Variants in ADCY2 observed in about 807,000 individuals in gnomAD.
The protein encoded by ADCY2 is adenylate cyclase 2.
A neutral mutation model predicts 125.2 loss-of-function variants in ADCY2; 31 were observed. That is an observed-to-expected ratio of 0.25 (90% CI 0.19 to 0.33). The LOEUF (loss-of-function observed/expected upper bound fraction) is 0.33, where lower values mean the gene tolerates loss of function less well. Among genes scored for constraint, ADCY2 ranks in the 10% least tolerant of loss-of-function variants. The pLI, the probability that ADCY2 is intolerant of heterozygous loss-of-function variation, is 1.00. For missense variants in ADCY2, 904 were observed against 1,418.2 expected, an observed-to-expected ratio of 0.64 and a Z score of 5.82; for synonymous variants, 512 against 548.4, an observed-to-expected ratio of 0.93 and a Z score of 0.93.
chr5:7,579,482 T>C (rs1579593964), intron 3 of ADCY2, among the ~76,000 whole-genome samples: 2 of 151,924 alleles, frequency 1.3e-5, no homozygotes, highest in South Asian at 4.2e-4. Context: ...ACTCTACACC[T>C]GAGACTGGCT....
At chr5:7,779,232 C>T (rs1743836537) in intron 18 of ADCY2, among the ~76,000 whole-genome samples, 1 of 152,196 alleles carries the variant, frequency 6.6e-6, no homozygotes, top group South Asian at 2.1e-4. Context: ...CGTTAGTGAA[C>T]TACTTCTCTA....
intron 2 of ADCY2, among the ~76,000 whole-genome samples, chr5:7,459,519 A>T (rs915227873): frequency 2.5e-4 from 38 of 152,184 alleles, no homozygotes; most frequent in African/African-American, 8.9e-4. Context: ...GCCTCCAAGC[A>T]GTGGGTCTTG....
At chr5:7,567,700 G>A (rs1341585334) in intron 3 of ADCY2, among the ~76,000 whole-genome samples, 3 of 152,214 alleles carry the variant, frequency 2.0e-5, no homozygotes, top group South Asian at 4.1e-4. Flanking sequence ...CCCAATTCCT[G>A]TTTGGTCTTG....
At position 7,789,817 on chromosome 5, in the gene ADCY2, TGGGGGCTGGGGGA is replaced by T. The variant is rs1560998153; in HGVS notation, c.2628+27_2628+39del. On this transcript the variant is annotated intron_variant, in intron 20 of 24. Coordinates refer to ENST00000338316, the MANE Select transcript of ADCY2 (RefSeq NM_020546.3). Reference sequence around the variant, plus strand: ...AAGAATGAGGTCAGACCAGGGGGGCTGGGGGCTGGGGGAGGGGGCTGGATGCCATGATGACCTG... The same window carrying T: ...AAGAATGAGGTCAGACCAGGGGGGCTGGGGGCTGGATGCCATGATGACCTG... 1.3e-4 allele frequency: 22 copies of T among 164,402 alleles called. No individual in the cohort carries two copies. Among genetic ancestry groups the T allele is most frequent in the Non-Finnish European group, 2.1e-4 (19 of 90,268 alleles). 10.2% of individuals were successfully genotyped at this position (164,402 alleles called of 1,614,324 possible). A position where few individuals can be genotyped will look rare whatever the true frequency, so the allele number is the denominator to read the frequency against.
Position 7,624,930 on chromosome 5 carries a change from C to T in ADCY2, c.571-1237C>T, listed in dbSNP as rs192084049. ...TGTGTCTATCCACTCACAGGTAGAC[C>T]TGTAGGTCTTGCCATGAACACACAA... On this transcript the variant is annotated intron_variant, in intron 3 of 24. Coordinates refer to ENST00000338316, the MANE Select transcript of ADCY2 (RefSeq NM_020546.3). 4.3e-3 allele frequency among the ~76,000 whole-genome samples: 649 copies of T among 152,242 alleles called. 3 individuals carry two copies. The highest frequency in any genetic ancestry group is 6.3e-3 in the Non-Finnish European group (428 of 68,024).
chr5:7,683,220 AG>A (rs570605052), intron 4 of ADCY2, among the ~76,000 whole-genome samples: 59 of 152,306 alleles, frequency 3.9e-4, no homozygotes, highest in African/African-American at 1.3e-3. Context: ...CACTTCACAG[AG>A]GGGCTTTCCA....
At chr5:7,768,096 G>A (rs1743449820) in intron 17 of ADCY2, among the ~76,000 whole-genome samples, 1 of 152,018 alleles carries the variant, frequency 6.6e-6, no homozygotes, top group African/African-American at 2.4e-5. Context: ...GCCTTGACTA[G>A]GTCATGGGCA....
chr5:7,451,508 G>A (rs1291194439), intron 2 of ADCY2, among the ~76,000 whole-genome samples: 3 of 152,150 alleles, frequency 2.0e-5, no homozygotes, highest in African/African-American at 7.2e-5. Context: ...TAGTTTCTTA[G>A]GATAGACTCC....
chr5:7,805,551 G>C (rs1404115142), intron 22 of ADCY2, among the ~76,000 whole-genome samples: 2 of 152,184 alleles, frequency 1.3e-5, no homozygotes, highest in Non-Finnish European at 2.9e-5. Flanking sequence ...CCTCAGGACA[G>C]TGGCCTTTGC....
intron 3 of ADCY2, among the ~76,000 whole-genome samples, chr5:7,539,531 A>G (rs955539623): frequency 1.3e-5 from 2 of 152,210 alleles, no homozygotes; most frequent in Non-Finnish European, 2.9e-5. Context: ...CAGATTCTGC[A>G]TTTAGAACCC....
intron 2 of ADCY2, among the ~76,000 whole-genome samples, chr5:7,417,250 GT>G (rs901281943): frequency 6.6e-6 from 1 of 151,788 alleles, no homozygotes; most frequent in African/African-American, 2.4e-5. Context: ...AAGTCTTTTT[GT>G]TGTTTTATAA....
chr5:7,401,532 A>G (rs917316371), intron 1 of ADCY2, among the ~76,000 whole-genome samples: 1 of 152,200 alleles, frequency 6.6e-6, no homozygotes, highest in African/African-American at 2.4e-5. Context: ...TTACCTTTTA[A>G]TGTTTTTCTC....
intron 4 of ADCY2, among the ~76,000 whole-genome samples, chr5:7,631,356 T>C (rs573520782): frequency 6.6e-6 from 1 of 152,336 alleles, no homozygotes; most frequent in African/African-American, 2.4e-5. Flanking sequence ...TCTTCTTTAT[T>C]CCTACAGCAA....
chr5:7,414,551 A>G (rs756070568), intron 1 of ADCY2, 22 bp from the exon 2 acceptor site: 2 of 1,586,420 alleles, frequency 1.3e-6, no homozygotes, highest in East Asian at 2.3e-5. Flanking sequence ...TAACTTTTCC[A>G]TGTATTTTTT....
intron 3 of ADCY2, among the ~76,000 whole-genome samples, chr5:7,578,625 C>T (rs540656254): frequency 1.3e-5 from 2 of 152,102 alleles, no homozygotes; most frequent in Non-Finnish European, 2.9e-5. Context: ...ATTTTGGAAT[C>T]GTGGGCATCT....
chr5:7,559,454 G>T (rs1735637525), intron 3 of ADCY2, among the ~76,000 whole-genome samples: 1 of 152,088 alleles, frequency 6.6e-6, no homozygotes, highest in Non-Finnish European at 1.5e-5. Context: ...ATGGGAGTTT[G>T]TTTGTGATTT....
chr5:7,630,080 G>A (rs148625663), intron 4 of ADCY2, among the ~76,000 whole-genome samples: 7 of 152,086 alleles, frequency 4.6e-5, no homozygotes, highest in Non-Finnish European at 7.4e-5. Context: ...AATACTAGTC[G>A]GGCGAGGCTC....
chr5:7,631,493 A>C (rs564907289), intron 4 of ADCY2, among the ~76,000 whole-genome samples: 1 of 152,092 alleles, frequency 6.6e-6, no homozygotes, highest in Admixed American at 6.5e-5. Flanking sequence ...TTGGTTTTGC[A>C]TGGGTTTTCT....
rs142396898 is a variant in ADCY2, at chr5:7,434,739, G to C, written c.408+19969G>C. Among the ~76,000 whole-genome samples, 754 of 152,320 alleles carry C rather than the reference G, an allele frequency of 5.0e-3. 5 individuals are homozygous for C. The highest frequency in any genetic ancestry group is 0.011 in the Admixed American group (165 of 15,302). ...TGACTATTTGTGAGTTTCACAGAGA[G>C]GAAAAGGGACCTAGCCCATGCAAGA... On this transcript the variant is annotated intron_variant, in intron 2 of 24. Coordinates refer to ENST00000338316, the MANE Select transcript of ADCY2 (RefSeq NM_020546.3).
Sources: gnomAD v4.1 joint callset for allele counts (sites outside exome capture counted in the v4.1 genomes callset) on GRCh38, gnomAD v4.1.1 for gene constraint, MANE v1.5 for transcripts, NCBI Gene and HGNC (gene_info 2026-07-23, HGNC 2026-07-21) for gene names.